SSBP2: variants seen among roughly 807,000 people sequenced by gnomAD.
SSBP2 encodes the protein single stranded DNA binding protein 2, also known as single-stranded DNA-binding protein 2.
In SSBP2, 17 loss-of-function variants were observed where a neutral mutation model predicts 61.8. That is an observed-to-expected ratio of 0.28 (90% confidence interval 0.19 to 0.41). The LOEUF is 0.41. Ranked by LOEUF, SSBP2 falls within the 10% of genes least tolerant of loss-of-function variation. SSBP2 has a pLI of 1.00. For missense variants in SSBP2, 310 were observed against 458.7 expected (o/e 0.68, Z 2.96); for synonymous variants, 139 against 141.3 (o/e 0.98, Z 0.12).
chr5:81,747,022 T>TAG (rs71605811), intron 1 of SSBP2, among the ~76,000 whole-genome samples: 2 of 87,220 alleles, frequency 2.3e-5, no homozygotes, highest in African/African-American at 7.6e-5. Flanking sequence ...ACAAAATTCC[T>TAG]GGGGGGGGGG....
chr5:81,610,976 A>C (rs1373330314), intron 4 of SSBP2, among the ~76,000 whole-genome samples: 2 of 152,220 alleles, frequency 1.3e-5, no homozygotes, highest in Non-Finnish European at 2.9e-5. Context: ...CCTGGGCAAC[A>C]AGAGTGAAAC....
intron 8 of SSBP2, 44 bp from the exon 9 acceptor site, chr5:81,467,109 G>C: frequency 5.4e-6 from 7 of 1,303,180 alleles, no homozygotes; most frequent in Non-Finnish European, 6.6e-6. Context: ...AGGGGGGAAA[G>C]AAAGGAGAGC....
chr5:81,524,761 T>A (rs1392899523), intron 4 of SSBP2, among the ~76,000 whole-genome samples: 4 of 151,984 alleles, frequency 2.6e-5, no homozygotes, highest in African/African-American at 9.7e-5. Context: ...TGTGAATAGT[T>A]TTTTCCCTTC....
chr5:81,508,743 T>C (rs1446528142), intron 5 of SSBP2, among the ~76,000 whole-genome samples: 2 of 152,186 alleles, frequency 1.3e-5, no homozygotes, highest in Admixed American at 1.3e-4. Context: ...AGGGAGCTTG[T>C]TCTGTAACAT....
intron 10 of SSBP2, among the ~76,000 whole-genome samples, chr5:81,449,918 T>C (rs1763657683): frequency 6.6e-6 from 1 of 152,226 alleles, no homozygotes; most frequent in Non-Finnish European, 1.5e-5. Context: ...TTAATTCTGC[T>C]GAGTACTGAG....
chr5:81,620,785 C>T (rs1321288626), intron 3 of SSBP2, among the ~76,000 whole-genome samples: 1 of 14,582 alleles, frequency 6.9e-5, no homozygotes, highest in Non-Finnish European at 1.4e-4. Context: ...GAACAGAGCC[C>T]TCAGAAATAA....
intron 5 of SSBP2, among the ~76,000 whole-genome samples, chr5:81,499,659 A>T (rs1172485785): frequency 6.6e-6 from 1 of 152,210 alleles, no homozygotes; most frequent in Non-Finnish European, 1.5e-5. Context: ...ACCCATATTT[A>T]AAAAAATAAC....
intron 2 of SSBP2, among the ~76,000 whole-genome samples, chr5:81,637,895 C>A (rs1581224510): frequency 6.6e-6 from 1 of 152,154 alleles, no homozygotes; most frequent in Non-Finnish European, 1.5e-5. Flanking sequence ...AACTGTGGCA[C>A]ATATACACCA....
At chr5:81,516,827 T>C (rs1769058968) in intron 4 of SSBP2, among the ~76,000 whole-genome samples, 1 of 152,084 alleles carries the variant, frequency 6.6e-6, no homozygotes, top group South Asian at 2.1e-4. Context: ...TTTATTTAGA[T>C]GGGAGAAGTA....
chr5:81,413,703 G>T lies in SSBP2; in HGVS notation c.*6801C>A, dbSNP rs905456266. The T allele has an allele frequency of 5.3e-5, 8 of 152,104 alleles. No homozygotes were observed. Among genetic ancestry groups the T allele is most frequent in the Non-Finnish European group, 1.2e-4 (8 of 67,976 alleles). The allele number at this position is 152,104 out of a possible 1,614,324, so 9.4% of individuals were successfully genotyped here. A position where few individuals can be genotyped will look rare whatever the true frequency, so the allele number is the denominator to read the frequency against. On this transcript the variant is annotated 3_prime_UTR_variant, in exon 17 of 17. Transcript: ENST00000320672. Reference sequence around the variant, plus strand: ...TAATGCAAGGAAAGTAAAACAGTTTGAAATATGATAGAAAGTATAAACACA... The same window carrying T: ...TAATGCAAGGAAAGTAAAACAGTTTTAAATATGATAGAAAGTATAAACACA...
intron 1 of SSBP2, among the ~76,000 whole-genome samples, chr5:81,748,549 T>C (rs1041866494): frequency 3.9e-5 from 6 of 152,160 alleles, no homozygotes; most frequent in Admixed American, 1.3e-4. Context: ...ATGTTTGTCT[T>C]AGATTCAAAC....
intron 16 of SSBP2, among the ~76,000 whole-genome samples, chr5:81,424,951 T>G (rs1761860227): frequency 6.6e-6 from 1 of 152,248 alleles, no homozygotes; most frequent in Admixed American, 6.5e-5. Flanking sequence ...GTTGCCCTGT[T>G]TCAAAACTAT....
At chr5:81,449,013 A>G (rs1763591390) in intron 10 of SSBP2, among the ~76,000 whole-genome samples, 188 bp from the exon 11 acceptor site, 1 of 152,202 alleles carries the variant, frequency 6.6e-6, no homozygotes, top group South Asian at 2.1e-4. Flanking sequence ...TTTACACAAA[A>G]GAAGGCAGAT....
chr5:81,689,046 C>G (rs773609009), intron 1 of SSBP2, among the ~76,000 whole-genome samples: 7 of 151,694 alleles, frequency 4.6e-5, no homozygotes, highest in Non-Finnish European at 8.8e-5. Context: ...TAAAAAGAAT[C>G]AAGCAGAAAT....
At chr5:81,567,806 G>A (rs1773544090) in intron 4 of SSBP2, among the ~76,000 whole-genome samples, 1 of 152,204 alleles carries the variant, frequency 6.6e-6, no homozygotes, top group Admixed American at 6.5e-5. Flanking sequence ...AGTCAAAGGA[G>A]ATCATTTTGG....
intron 1 of SSBP2, among the ~76,000 whole-genome samples, chr5:81,686,756 G>A (rs924094208): frequency 2.0e-5 from 3 of 151,106 alleles, no homozygotes; most frequent in African/African-American, 7.3e-5. Flanking sequence ...TCAGGAGGCT[G>A]AGACAGGAGA....
At chr5:81,426,547 G>A (rs1761962101) in intron 16 of SSBP2, among the ~76,000 whole-genome samples, 1 of 152,146 alleles carries the variant, frequency 6.6e-6, no homozygotes, top group South Asian at 2.1e-4. Context: ...GAAGTTAGGG[G>A]TGGAAGAAGC....
At chr5:81,695,712 G>A (rs190752449) in intron 1 of SSBP2, among the ~76,000 whole-genome samples, 153 of 152,044 alleles carry the variant, frequency 1.0e-3, no homozygotes, top group Middle Eastern at 3.4e-3. Context: ...CTTGTAATCC[G>A]TAAGTAAATC....
intron 5 of SSBP2, among the ~76,000 whole-genome samples, 191 bp downstream of exon 5, chr5:81,513,437 C>A (rs548313976): frequency 6.6e-6 from 1 of 152,134 alleles, no homozygotes; most frequent in African/African-American, 2.4e-5. Context: ...TAAATAAATA[C>A]ATAATCTAAT....
Sources: gnomAD v4.1 joint callset for allele counts (sites outside exome capture counted in the v4.1 genomes callset) on GRCh38, gnomAD v4.1.1 for gene constraint, MANE v1.5 for transcripts, NCBI Gene and HGNC (gene_info 2026-07-23, HGNC 2026-07-21) for gene names.